The following ATXN7L1 variants were observed in gnomAD, a reference collection of about 807,000 sequenced individuals.
The protein encoded by ATXN7L1 is ataxin 7 like 1.
In ATXN7L1, 15 loss-of-function variants were observed where a neutral mutation model predicts 70.8. That is an observed-to-expected ratio of 0.21 (90% CI 0.14 to 0.33). The LOEUF (loss-of-function observed/expected upper bound fraction) is 0.33, where lower values mean the gene tolerates loss of function less well. Among genes scored for constraint, ATXN7L1 ranks in the 10% least tolerant of loss-of-function variants. The probability of loss-of-function intolerance (pLI) is 1.00; values close to 1 mark genes in which losing one functional copy is unlikely to be tolerated. For synonymous variants in ATXN7L1, 440 were observed against 445.1 expected (o/e 0.99, Z 0.14); for missense variants, 975 against 1,097.1 (o/e 0.89, Z 1.57).
chr7:105,703,517 A>T (rs1395103397), intron 3 of ATXN7L1, among the ~76,000 whole-genome samples: 1 of 152,220 alleles, frequency 6.6e-6, no homozygotes, highest in Non-Finnish European at 1.5e-5. Context: ...CTGAACACAA[A>T]AAATGGGTTT....
chr7:105,719,570 T>C (rs1206651041), intron 3 of ATXN7L1, among the ~76,000 whole-genome samples: 1 of 152,124 alleles, frequency 6.6e-6, no homozygotes, highest in African/African-American at 2.4e-5. Flanking sequence ...TCCCACAGCT[T>C]CCTCCTAACT....
chr7:105,837,930 G>A (rs1284071859), intron 2 of ATXN7L1, among the ~76,000 whole-genome samples: 1 of 152,178 alleles, frequency 6.6e-6, no homozygotes, highest in African/African-American at 2.4e-5. Context: ...CGATGGCGCA[G>A]GTCCTAAAAG....
chr7:105,835,059 G>C (rs1366827619), intron 2 of ATXN7L1, among the ~76,000 whole-genome samples: 1 of 151,476 alleles, frequency 6.6e-6, no homozygotes, highest in Non-Finnish European at 1.5e-5. Context: ...GAATGCTGGG[G>C]GAGAGGCAGG....
intron 2 of ATXN7L1, among the ~76,000 whole-genome samples, chr7:105,864,456 CAAAAAAAA>C (rs34739253): frequency 2.4e-5 from 1 of 41,078 alleles, no homozygotes. Flanking sequence ...GGCCCTGTCT[CAAAAAAAA>C]AAAAAAAAAA....
At chr7:105,749,487 C>A (rs1208697552) in intron 3 of ATXN7L1, among the ~76,000 whole-genome samples, 2 of 151,614 alleles carry the variant, frequency 1.3e-5, no homozygotes, top group Admixed American at 1.3e-4. Flanking sequence ...ACACAGTTGT[C>A]ACCCTGAGAA....
Position 105,704,582 on chromosome 7 carries a change from CTCTTTTTTTTTTTT to C in ATXN7L1, c.356-39308_356-39295del, listed in dbSNP as rs1431468793. On this transcript the variant is annotated intron_variant, in intron 3 of 11. Transcript: ENST00000419735. ...AAACCAATGTCCAGAGAGGTTTTAT[CTCTTTTTTTTTTTT>C]TTTTTTTTTTTTTTTTAGACAGAGT... is the stretch of plus-strand genomic sequence containing the variant. 7.7e-5 allele frequency among the ~76,000 whole-genome samples: 9 copies of C among 117,244 alleles called. No homozygotes were observed. The East Asian group carries it at 2.4e-3, about 31-fold the overall frequency. 76.9% of individuals were successfully genotyped at this position (117,244 alleles called of 152,430 possible).
intron 3 of ATXN7L1, among the ~76,000 whole-genome samples, chr7:105,692,421 CCTT>C (rs533329910): frequency 1.1e-3 from 124 of 118,006 alleles, no homozygotes; most frequent in South Asian, 1.6e-3. Flanking sequence ...TTCCTTCCTT[CCTT>C]CCTCCCTCCC....
At chr7:105,692,438 C>CCT (rs1791118287) in intron 3 of ATXN7L1, among the ~76,000 whole-genome samples, 1 of 119,526 alleles carries the variant, frequency 8.4e-6, no homozygotes, top group African/African-American at 2.9e-5. Flanking sequence ...CCCTCCCTCC[C>CCT]TCCCTCCCTT....
chr7:105,671,104 C>CAAAAAAAATAAAAAA (rs1803548292), intron 3 of ATXN7L1, among the ~76,000 whole-genome samples: 1 of 89,708 alleles, frequency 1.1e-5, no homozygotes, highest in Non-Finnish European at 2.1e-5. Context: ...GACTACGTCT[C>CAAAAAAAATAAAAAA]AAAAAAAAAA....
intron 4 of ATXN7L1, among the ~76,000 whole-genome samples, chr7:105,656,599 C>A (rs1356472594): frequency 3.2e-5 from 4 of 124,942 alleles, no homozygotes; most frequent in African/African-American, 1.4e-4. Flanking sequence ...TTGAGATAGT[C>A]TCGCTCTGTC....
intron 3 of ATXN7L1, among the ~76,000 whole-genome samples, chr7:105,669,919 C>CA (rs756313448): frequency 0.043 from 3,046 of 70,868 alleles, 77 homozygotes; most frequent in African/African-American, 0.088. Flanking sequence ...AACTCCATCT[C>CA]AAAAAAAAAA....
At chr7:105,812,497 C>T (rs1016340038) in intron 2 of ATXN7L1, among the ~76,000 whole-genome samples, 1 of 152,158 alleles carries the variant, frequency 6.6e-6, no homozygotes, top group African/African-American at 2.4e-5. Flanking sequence ...TCAGGCTTAG[C>T]TTTCTGTTCT....
chr7:105,861,064 C>G (rs990807188), intron 2 of ATXN7L1, among the ~76,000 whole-genome samples: 3 of 151,768 alleles, frequency 2.0e-5, no homozygotes, highest in Admixed American at 1.3e-4. Flanking sequence ...ATGGCTGGCC[C>G]TGGGGAAGGA....
Position 105,722,560 on chromosome 7 carries a change from TAAAAAAAAAAAAAAAA to T in ATXN7L1, c.356-57288_356-57273del, listed in dbSNP as rs56228890. ...TGGGCAACAGAGTGAGACTCTGCCT[TAAAAAAAAAAAAAAAA>T]AAAAAAAAAAAAAAAAAAAAAAGGT... On this transcript the variant is annotated intron_variant, in intron 3 of 11. Transcript: ENST00000419735. 0.031 allele frequency among the ~76,000 whole-genome samples: 655 copies of T among 20,830 alleles called. 32 individuals are homozygous for T. In the South Asian group the frequency reaches 0.36, roughly 12 times the overall value. The allele number at this position is 20,830 out of a possible 152,430, so 13.7% of individuals were successfully genotyped here. A position where few individuals can be genotyped will look rare whatever the true frequency, so the allele number is the denominator to read the frequency against.
intron 2 of ATXN7L1, among the ~76,000 whole-genome samples, chr7:105,853,707 C>T (rs370634779): frequency 7.6e-4 from 115 of 151,398 alleles, no homozygotes; most frequent in South Asian, 4.2e-3. Context: ...GAGGTTGCAG[C>T]GAGCAGAGAT....
At chr7:105,868,614 TA>T (rs888124134) in intron 2 of ATXN7L1, among the ~76,000 whole-genome samples, 2 of 152,028 alleles carry the variant, frequency 1.3e-5, no homozygotes, top group African/African-American at 4.8e-5. Flanking sequence ...AAGACAAAAT[TA>T]TATATGTATC....
intron 2 of ATXN7L1, among the ~76,000 whole-genome samples, chr7:105,840,056 A>C (rs1812973197): frequency 6.6e-6 from 1 of 152,160 alleles, no homozygotes; most frequent in Non-Finnish European, 1.5e-5. Context: ...CAGAGGAGTC[A>C]GAGGAGAGGG....
chr7:105,679,299 G>A (rs958557254), intron 3 of ATXN7L1: 5 of 286,134 alleles, frequency 1.7e-5, no homozygotes, highest in Non-Finnish European at 2.6e-5. Flanking sequence ...ACACACACAA[G>A]GTGTGGTCAG....
intron 3 of ATXN7L1, among the ~76,000 whole-genome samples, chr7:105,720,959 C>T (rs752941748): frequency 1.8e-4 from 27 of 152,154 alleles, no homozygotes; most frequent in African/African-American, 6.3e-4. Context: ...CTTCAGACCT[C>T]GGGCTGTAGG....
Sources: gnomAD v4.1 joint callset for allele counts (sites outside exome capture counted in the v4.1 genomes callset) on GRCh38, gnomAD v4.1.1 for gene constraint, MANE v1.5 for transcripts, NCBI Gene and HGNC (gene_info 2026-07-23, HGNC 2026-07-21) for gene names.